CHEK1: variants seen among roughly 807,000 people sequenced by gnomAD.
CHEK1 encodes the protein checkpoint kinase 1, also known as serine/threonine-protein kinase Chk1.
In CHEK1, 32 loss-of-function variants were observed where a neutral mutation model predicts 60.2. That is an observed-to-expected ratio of 0.53 (90% confidence interval 0.40 to 0.71). The LOEUF is 0.71. Among genes scored for constraint, CHEK1 ranks in the 30% least tolerant of loss-of-function variants. The pLI is 0.00. For missense variants in CHEK1, 399 were observed against 564.6 expected (o/e 0.71, Z 2.97); for synonymous variants, 179 against 187.2 (o/e 0.96, Z 0.36).
chr11:125,656,732 T>A lies in CHEK1; in HGVS notation c.*1412T>A, dbSNP rs1487831828. Reference sequence around the variant, plus strand: ...AGGCATCTCTTGACCAAAAACAGCTTTTGATTCCTGTTCTCCAACCTGTTC... The same window carrying A: ...AGGCATCTCTTGACCAAAAACAGCTATTGATTCCTGTTCTCCAACCTGTTC... On this transcript the variant is annotated 3_prime_UTR_variant, in exon 13 of 13. Coordinates refer to ENST00000438015, the MANE Select transcript of CHEK1 (RefSeq NM_001114122.3). 3 of 214,906 alleles carry A rather than the reference T, an allele frequency of 1.4e-5. No homozygotes were observed. Among genetic ancestry groups the A allele is most frequent in the Non-Finnish European group, 2.8e-5 (3 of 106,550 alleles). 13.3% of individuals were successfully genotyped at this position (214,906 alleles called of 1,614,324 possible). A position where few individuals can be genotyped will look rare whatever the true frequency, so the allele number is the denominator to read the frequency against.
chr11:125,678,291 G>C, downstream of CHEK1: 1 of 1,613,568 alleles, frequency 6.2e-7, no homozygotes, highest in South Asian at 1.1e-5. Context: ...AGGCTGACTT[G>C]ATGTTCCTGG....
At chr11:125,631,307 G>A (rs1940850053) in intron 5 of CHEK1, among the ~76,000 whole-genome samples, 1 of 151,900 alleles carries the variant, frequency 6.6e-6, no homozygotes, top group Non-Finnish European at 1.5e-5. Context: ...TTTAAAAAAA[G>A]AAATAAAATG....
chr11:125,659,564 T>G (rs529756193), downstream of CHEK1, among the ~76,000 whole-genome samples: 13 of 152,278 alleles, frequency 8.5e-5, no homozygotes, highest in African/African-American at 3.1e-4. Flanking sequence ...TGTTATGACT[T>G]TTTTCTATAT....
In CHEK1 at chr11:125,625,941, G is replaced by C. The variant is rs917191783; in HGVS notation, c.-92G>C. On this transcript the variant is annotated 5_prime_UTR_variant, in exon 1 of 13. Transcript: ENST00000438015. ...CGCGGGTGCGCGAGTTTGCGGCAGC[G>C]TGACGCCCTCAAGTTTTGGCGGGAA... 12 of 702,498 alleles carry C rather than the reference G, an allele frequency of 1.7e-5. No homozygotes were observed. Among genetic ancestry groups the C allele is most frequent in the Non-Finnish European group, 2.9e-5 (11 of 385,014 alleles). The allele number at this position is 702,498 out of a possible 1,614,324, so 43.5% of individuals were successfully genotyped here.
chr11:125,637,863 A>G lies in CHEK1; in HGVS notation c.814+319A>G, dbSNP rs3731425. Among the ~76,000 whole-genome samples, 938 of 152,326 alleles carry G rather than the reference A, an allele frequency of 6.2e-3. 2 individuals carry two copies. Among genetic ancestry groups the G allele is most frequent in the Non-Finnish European group, 9.5e-3 (649 of 68,024 alleles). On this transcript the variant is annotated intron_variant, in intron 8 of 12. Transcript: ENST00000438015. Reference sequence around the variant, plus strand: ...AAGTAAGTGGCAGATTTGATTCTGAACAGGGGAAGCAGTATTTGAAAAATC... The same window carrying G: ...AAGTAAGTGGCAGATTTGATTCTGAGCAGGGGAAGCAGTATTTGAAAAATC...
chr11:125,664,618 ATTTCT>A (rs1286126888), intron 13 of CHEK1, among the ~76,000 whole-genome samples: 3 of 151,702 alleles, frequency 2.0e-5, no homozygotes, highest in African/African-American at 7.3e-5. Context: ...TTAAAATCAG[ATTTCT>A]TTTGTTTTAT....
intron 8 of CHEK1, among the ~76,000 whole-genome samples, chr11:125,638,640 C>T (rs1941163942): frequency 1.3e-5 from 2 of 152,266 alleles, no homozygotes; most frequent in South Asian, 2.1e-4. Flanking sequence ...CTTTCCCATA[C>T]CCTCATGTCC....
chr11:125,659,580 C>A (rs1279990656), downstream of CHEK1, among the ~76,000 whole-genome samples: 4 of 151,938 alleles, frequency 2.6e-5, no homozygotes, highest in African/African-American at 9.7e-5. Flanking sequence ...TATATTTTTA[C>A]ATTGTAGTTC....
Position 125,627,086 on chromosome 11 carries a change from G to A in CHEK1, c.65+253G>A, listed in dbSNP as rs547535530. The stretch of plus-strand genomic sequence containing the variant: ...TGCTTCTCAGGGTTTAAGCATTGCG[G>A]TTAATGAGCAAATGAGCAGACTCTG... On this transcript the variant is annotated intron_variant, in intron 2 of 12. Transcript: ENST00000438015. Among the ~76,000 whole-genome samples, 3 of 152,288 alleles carry A rather than the reference G, an allele frequency of 2.0e-5. No individual in the cohort carries two copies. In the South Asian group the frequency reaches 6.2e-4, roughly 32 times the overall value.
chr11:125,647,403 A>G (rs1397921926), intron 11 of CHEK1, among the ~76,000 whole-genome samples: 1 of 148,854 alleles, frequency 6.7e-6, no homozygotes, highest in South Asian at 2.1e-4. Context: ...TGTCTGTGCT[A>G]TGCCGTTACC....
chr11:125,651,927 T>C (rs553613635), intron 11 of CHEK1, among the ~76,000 whole-genome samples: 21 of 152,372 alleles, frequency 1.4e-4, no homozygotes, highest in African/African-American at 4.6e-4. Flanking sequence ...CCATTTTCAC[T>C]GACATCACTC....
rs761313560 is a variant in CHEK1, at chr11:125,644,132, G to T, written c.965G>T (p.Arg322Leu). The change falls in exon 10 of 13, where the codon CGC (arginine) becomes CTC (leucine). Residue 322 changes from arginine to leucine, a missense_variant. Coordinates refer to ENST00000438015, the MANE Select transcript of CHEK1 (RefSeq NM_001114122.3). ...VKYSSSQPEPRTGLSLWDTSP... is the reference protein window; with the variant it reads ...VKYSSSQPEPLTGLSLWDTSP... Reference sequence around the variant, plus strand: ...TACTCCAGTTCTCAGCCAGAACCCCGCACAGGTCTTTCCTTATGGGATACC... The same window carrying T: ...TACTCCAGTTCTCAGCCAGAACCCCTCACAGGTCTTTCCTTATGGGATACC... 51 of 1,613,790 alleles carry T rather than the reference G, an allele frequency of 3.2e-5. No individual in the cohort carries two copies. The highest frequency in any genetic ancestry group is 3.9e-5 in the Non-Finnish European group (46 of 1,179,996).
chr11:125,643,732 A>T, intron 8 of CHEK1, 60 bp from the exon 9 acceptor site: 1 of 1,327,972 alleles, frequency 7.5e-7, no homozygotes, highest in Non-Finnish European at 1.0e-6. Context: ...CAGTTGGGTT[A>T]ATTTAAAAAC....
chr11:125,631,321 C>G (rs1940851217), intron 5 of CHEK1, among the ~76,000 whole-genome samples: 1 of 151,858 alleles, frequency 6.6e-6, no homozygotes, highest in Non-Finnish European at 1.5e-5. Flanking sequence ...TAAAATGTTA[C>G]CAGTATTTAA....
intron 11 of CHEK1, among the ~76,000 whole-genome samples, chr11:125,645,152 TG>T (rs1941452647): frequency 6.6e-6 from 1 of 152,228 alleles, no homozygotes; most frequent in Admixed American, 6.5e-5. Flanking sequence ...CCACTGTGCC[TG>T]GCCTAAGAAA....
At chr11:125,628,720 C>T (rs966875642) in intron 3 of CHEK1, among the ~76,000 whole-genome samples, 2 of 152,026 alleles carry the variant, frequency 1.3e-5, no homozygotes, top group Admixed American at 6.6e-5. Context: ...TTCCAGGTTA[C>T]AGTAAGTTAT....
chr11:125,657,516 C>G (rs557145642), downstream of CHEK1, among the ~76,000 whole-genome samples: 1 of 152,166 alleles, frequency 6.6e-6, no homozygotes, highest in African/African-American at 2.4e-5. Context: ...TCTTTTCCTT[C>G]GTGTGTTTTA....
chr11:125,639,382 C>CTTTTTTTTTTTTTT (rs367756024), intron 8 of CHEK1, among the ~76,000 whole-genome samples: 2 of 106,378 alleles, frequency 1.9e-5, no homozygotes, highest in Non-Finnish European at 3.6e-5. Context: ...ATACTTTTCT[C>CTTTTTTTTTTTTTT]TTTTTTTTTT....
At chr11:125,657,578 A>G (rs997835226), downstream of CHEK1, among the ~76,000 whole-genome samples, 39 of 152,266 alleles carry the variant, frequency 2.6e-4, 1 homozygote, top group Admixed American at 2.0e-3. Context: ...ATGTATTTTT[A>G]ATTAATATGG....
Sources: gnomAD v4.1 joint callset for allele counts (sites outside exome capture counted in the v4.1 genomes callset) on GRCh38, gnomAD v4.1.1 for gene constraint, MANE v1.5 for transcripts, NCBI Gene and HGNC (gene_info 2026-07-23, HGNC 2026-07-21) for gene names.